Variants in TESK1 observed in about 807,000 individuals in gnomAD.
TESK1 encodes dual specificity testis-specific protein kinase 1.
Under a neutral mutation model 59.9 loss-of-function variants are expected in TESK1, and 18 were observed. That is an observed-to-expected ratio of 0.30 (90% CI 0.21 to 0.45). The LOEUF (loss-of-function observed/expected upper bound fraction) is 0.45, where lower values mean the gene tolerates loss of function less well. Ranked by LOEUF, TESK1 falls within the 20% of genes least tolerant of loss-of-function variation. The pLI, the probability that TESK1 is intolerant of heterozygous loss-of-function variation, is 1.00. For synonymous variants in TESK1, 341 were observed against 357.4 expected, an observed-to-expected ratio of 0.95 and a Z score of 0.52; for missense variants, 748 against 840.9, an observed-to-expected ratio of 0.89 and a Z score of 1.37.
chr9:35,609,461 T>C lies in TESK1; in HGVS notation c.1600T>C (p.Trp534Arg), dbSNP rs960379655. 2 of 1,606,648 alleles carry C rather than the reference T, an allele frequency of 1.2e-6. No individual in the cohort carries two copies. Among genetic ancestry groups the C allele is most frequent in the Non-Finnish European group, 1.7e-6 (2 of 1,175,922 alleles). ...CCCACAAGGCTGGGCTGGGGAGCCC[T>C]GGAACCGGGCCCAGCATAGCCTGCC... The part of the protein sequence containing the change: ...NSPQGWAGEP[W>R]NRAQHSLPRA... The change falls in exon 10 of 10, where the codon TGG becomes CGG. Residue 534 changes from tryptophan to arginine, a missense_variant. Trp to Arg is a moderately radical substitution (Grantham distance 101). Coordinates refer to ENST00000336395, the MANE Select transcript of TESK1 (RefSeq NM_006285.3). This position sits in a 1 kb window ranked among gnomAD's most constrained non-coding sequence, Gnocchi z 6.7.
chr9:35,609,560 C>T lies in TESK1; in HGVS notation c.1699C>T (p.Pro567Ser). Residue 567 changes from proline (P) to serine (S), a missense_variant, in exon 10 of 10, where the codon CCC (proline) becomes TCC (serine). Coordinates refer to ENST00000336395, the MANE Select transcript of TESK1 (RefSeq NM_006285.3). This position sits in a 1 kb window ranked among gnomAD's most constrained non-coding sequence, Gnocchi z 6.7. ...TCCCCGGGAGCCCGATGAGGGGCTG[C>T]CCTGTCCTGGCTGCTGCCTCGGCCC... ...SAPREPDEGL[P>S]CPGCCLGPFS... The T allele has an allele frequency of 6.2e-7, 1 of 1,613,572 alleles. No individual in the cohort carries two copies.
intron 2 of TESK1, 33 bp from the exon 3 acceptor site, chr9:35,606,204 G>A: frequency 6.2e-7 from 1 of 1,614,168 alleles, no homozygotes; most frequent in Non-Finnish European, 8.5e-7. Flanking sequence ...GCCTTTAATA[G>A]CCTATCCTTC....
intron 1 of TESK1, 40 bp from the exon 2 acceptor site, chr9:35,605,944 C>T (rs747200297): frequency 6.2e-7 from 1 of 1,610,962 alleles, no homozygotes; most frequent in Admixed American, 1.7e-5. Context: ...CGGCGACCCG[C>T]CCGACCTGCC....
chr9:35,608,464 C>T lies in TESK1; in HGVS notation c.955C>T (p.Pro319Ser). The change falls in exon 9 of 10, where the codon CCT becomes TCT. Residue 319 changes from proline (P) to serine (S), a missense_variant. Around this residue, in one of 3 missense-constraint regions of TESK1, gnomAD observed 447 missense variants for 466.1 expected, o/e 0.96. Transcript: ENST00000336395. ...CCTGGAATGGATCCTGGAGCAGCTG[C>T]CTGAGCCAGCCCCACTCACCAGGAC... ...QHLEWILEQL[P>S]EPAPLTRTAL... The T allele has an allele frequency of 6.2e-7, 1 of 1,614,166 alleles. No individual in the cohort carries two copies. Among genetic ancestry groups the T allele is most frequent in the Non-Finnish European group, 8.5e-7 (1 of 1,180,030 alleles).
At chr9:35,606,148 A>G in intron 2 of TESK1, 43 bp downstream of exon 2, 2 of 1,614,068 alleles carry the variant, frequency 1.2e-6, no homozygotes, top group Non-Finnish European at 1.7e-6. Flanking sequence ...GGCGGGAGAG[A>G]AAGGGAAAGA....
In TESK1 at chr9:35,608,892, C is replaced by G; in HGVS notation, c.1031C>G (p.Thr344Arg). The change falls in exon 10 of 10, where the codon ACG becomes AGG. Residue 344 changes from threonine (T) to arginine (R), a missense_variant. By Grantham distance (71) the Thr-to-Arg change is moderately conservative (BLOSUM62 -1). This residue lies in a region of TESK1 where 447 missense variants were observed against 466.1 expected (regional missense o/e 0.96). Transcript: ENST00000336395. ...GTTGCAAGAGGGGGTCCCTCTGCCA[C>G]GCTTCCCAGGCCAGATCCCCGGCTT... ...GSVARGGPSA[T>R]LPRPDPRLSR... is the part of the protein sequence containing the mutation. 1.2e-6 allele frequency: 2 copies of G among 1,600,544 alleles called. No individual in the cohort carries two copies. The highest frequency in any genetic ancestry group is 1.7e-4 in the Middle Eastern group (1 of 5,996).
In TESK1 at chr9:35,606,028, C is replaced by T. The variant is rs1278241938; in HGVS notation, c.264C>T (p.Asn88=). The T allele has an allele frequency of 1.2e-6, 2 of 1,614,128 alleles. No homozygotes were observed. The highest frequency in any genetic ancestry group is 4.5e-5 in the East Asian group (2 of 44,856). Residue 88 remains asparagine (N), a synonymous_variant, in exon 2 of 10, where the codon AAC becomes AAT. Transcript: ENST00000336395. The part of the protein sequence containing the change: ...QSGQVMVLKM[N]KLPSNRGNTL... ...GGCAAGTCATGGTGCTGAAGATGAA[C>T]AAGCTCCCCAGTAACCGGGGCAACA...
chr9:35,607,754 A>G lies in TESK1; in HGVS notation c.711+82A>G. 1 of 1,376,588 alleles carries G rather than the reference A, an allele frequency of 7.3e-7. No homozygotes were observed. 85.3% of individuals were successfully genotyped at this position (1,376,588 alleles called of 1,614,324 possible). On this transcript the variant is annotated intron_variant, in intron 6 of 9. Transcript: ENST00000336395. The surrounding 1 kb of genome is among the most constrained non-coding windows in gnomAD (Gnocchi z 4.5). ...ATAAAGCCCCATCCATCCCCAAAAC[A>G]ACCCTACCAGATCTTCAGGAGTCCC...
intron 3 of TESK1, 111 bp downstream of exon 3, chr9:35,606,396 C>T: frequency 7.5e-7 from 1 of 1,339,572 alleles, no homozygotes; most frequent in East Asian, 2.3e-5. Context: ...AACAGGATCT[C>T]CTCTCAGGGG....
chr9:35,608,595 A>T, intron 9 of TESK1, 86 bp downstream of exon 9: 1 of 1,237,520 alleles, frequency 8.1e-7, no homozygotes, highest in Non-Finnish European at 1.1e-6. Flanking sequence ...GAGGCTAAGT[A>T]TATTTATTAG....
chr9:35,607,924 C>T lies in TESK1; in HGVS notation c.712-4C>T. ...TCCCCGACACTATTATCTCTGACCC[C>T]CAGGCTGATGTCTTTGCCTTCGGGA... On this transcript the variant is annotated splice_polypyrimidine_tract_variant and splice_region_variant and intron_variant, in intron 6 of 9. Coordinates refer to ENST00000336395, the MANE Select transcript of TESK1 (RefSeq NM_006285.3). This position sits in a 1 kb window ranked among gnomAD's most constrained non-coding sequence, Gnocchi z 4.5. 1 of 1,613,954 alleles carries T rather than the reference C, an allele frequency of 6.2e-7. No individual in the cohort carries two copies. The highest frequency in any genetic ancestry group is 1.1e-5 in the South Asian group (1 of 91,070).
chr9:35,607,941 C>T lies in TESK1; in HGVS notation c.725C>T (p.Ala242Val). 1 of 1,614,138 alleles carries T rather than the reference C, an allele frequency of 6.2e-7. No homozygotes were observed. Among genetic ancestry groups the T allele is most frequent in the Non-Finnish European group, 8.5e-7 (1 of 1,180,032 alleles). The part of the protein sequence containing the change: ...ELYDEKADVF[A>V]FGIVLCELIA... ...TCTGACCCCCAGGCTGATGTCTTTG[C>T]CTTCGGGATTGTCCTCTGTGAGCTC... The change falls in exon 7 of 10, where the codon GCC (alanine) becomes GTC (valine). Residue 242 changes from alanine to valine, a missense_variant. Around this residue, in one of 3 missense-constraint regions of TESK1, gnomAD observed 168 missense variants for 257.4 expected, o/e 0.65. Coordinates refer to ENST00000336395, the MANE Select transcript of TESK1 (RefSeq NM_006285.3). This position sits in a 1 kb window ranked among gnomAD's most constrained non-coding sequence, Gnocchi z 4.5.
Position 35,609,889 on chromosome 9 carries a change from CA to C in TESK1, c.*148del. 1.0e-6 allele frequency: 1 copy of C among 977,456 alleles called. No individual in the cohort carries two copies. Among genetic ancestry groups the C allele is most frequent in the Non-Finnish European group, 1.4e-6 (1 of 692,704 alleles). The allele number at this position is 977,456 out of a possible 1,614,324, so 60.5% of individuals were successfully genotyped here. A position where few individuals can be genotyped will look rare whatever the true frequency, so the allele number is the denominator to read the frequency against. ...GGAGCCCCAGCATGGACTCAAGGGA[CA>C]GAGCACTTCCAGTCGACCCCCCGGC... On this transcript the variant is annotated 3_prime_UTR_variant, in exon 10 of 10. Transcript: ENST00000336395. The surrounding 1 kb of genome is among the most constrained non-coding windows in gnomAD (Gnocchi z 6.7).
At position 35,606,824 on chromosome 9, in the gene TESK1, T is replaced by A; in HGVS notation, c.391-13T>A. 6.3e-7 allele frequency: 1 copy of A among 1,587,610 alleles called. No individual in the cohort carries two copies. The highest frequency in any genetic ancestry group is 8.6e-7 in the Non-Finnish European group (1 of 1,166,928). ...AGTCTGACATCTATTCCCATTCTCCTCCTATGCACCAGTATATGAATGGGG... is the reference window on the plus strand; with the variant it reads ...AGTCTGACATCTATTCCCATTCTCCACCTATGCACCAGTATATGAATGGGG... On this transcript the variant is annotated splice_polypyrimidine_tract_variant and intron_variant, in intron 3 of 9. Transcript: ENST00000336395.
At position 35,609,831 on chromosome 9, in the gene TESK1, A is replaced by G. The variant is rs779725799; in HGVS notation, c.*89A>G. 59 of 1,398,386 alleles carry G rather than the reference A, an allele frequency of 4.2e-5. No individual in the cohort carries two copies. Among genetic ancestry groups the G allele is most frequent in the Middle Eastern group, 2.6e-4 (1 of 3,876 alleles). 86.6% of individuals were successfully genotyped at this position (1,398,386 alleles called of 1,614,324 possible). On this transcript the variant is annotated 3_prime_UTR_variant, in exon 10 of 10. Transcript: ENST00000336395. This position sits in a 1 kb window ranked among gnomAD's most constrained non-coding sequence, Gnocchi z 6.7. ...ACACTTGCTGGACAGTGCCAGTTCC[A>G]GATGGGCTGACCGGCTCTTCTCCCC...
In TESK1 at chr9:35,607,875, T is replaced by G. The variant is rs911058926; in HGVS notation, c.712-53T>G. 6 of 1,596,868 alleles carry G rather than the reference T, an allele frequency of 3.8e-6. No homozygotes were observed. In the South Asian group the frequency reaches 5.5e-5, roughly 15 times the overall value. On this transcript the variant is annotated intron_variant, in intron 6 of 9. Coordinates refer to ENST00000336395, the MANE Select transcript of TESK1 (RefSeq NM_006285.3). This position sits in a 1 kb window ranked among gnomAD's most constrained non-coding sequence, Gnocchi z 4.5. ...AAATTCTGCTATATTCTGTCAAAATTCTGAAATGAAAACTGTTAATTCTTC... is the reference window on the plus strand; with the variant it reads ...AAATTCTGCTATATTCTGTCAAAATGCTGAAATGAAAACTGTTAATTCTTC...
At position 35,605,913 on chromosome 9, in the gene TESK1, C is replaced by A; in HGVS notation, c.220-71C>A. ...GGCTGAAACTAGGGGGCCGGGAGTG[C>A]GGGGAAGAGGGTCCAGACTCCGGCG... On this transcript the variant is annotated intron_variant, in intron 1 of 9. Coordinates refer to ENST00000336395, the MANE Select transcript of TESK1 (RefSeq NM_006285.3). The A allele has an allele frequency of 3.7e-6, 6 of 1,605,848 alleles. No individual in the cohort carries two copies. The South Asian group carries it at 4.4e-5, about 12-fold the overall frequency.
Position 35,609,294 on chromosome 9 carries a change from A to G in TESK1, c.1433A>G (p.Glu478Gly). The part of the protein sequence containing the change: ...MECEGSSPEP[E>G]PPGPAPQLPL... ...TGCGAGGGCAGCAGCCCTGAGCCGG[A>G]ACCTCCAGGGCCAGCGCCCCAGCTG... is the stretch of plus-strand genomic sequence containing the variant. The change falls in exon 10 of 10, where the codon GAA becomes GGA. Residue 478 changes from glutamate (E) to glycine (G), a missense_variant. By Grantham distance (98) the Glu-to-Gly change is moderately conservative (BLOSUM62 -2). This residue lies in a region of TESK1 where 447 missense variants were observed against 466.1 expected (regional missense o/e 0.96). Transcript: ENST00000336395. This position sits in a 1 kb window ranked among gnomAD's most constrained non-coding sequence, Gnocchi z 6.7. 1 of 1,613,956 alleles carries G rather than the reference A, an allele frequency of 6.2e-7. No homozygotes were observed. The highest frequency in any genetic ancestry group is 8.5e-7 in the Non-Finnish European group (1 of 1,179,964).
intron 9 of TESK1, 140 bp from the exon 10 acceptor site, chr9:35,608,722 G>C (rs1822900309): frequency 1.9e-6 from 2 of 1,066,880 alleles, no homozygotes; most frequent in Non-Finnish European, 2.7e-6. Context: ...GCCTGGAGAT[G>C]ACATCACCCC....
Sources: allele counts gnomAD v4.1 joint callset, GRCh38; gene constraint gnomAD v4.1.1; regional missense constraint gnomAD v4.1.1; non-coding constraint Gnocchi (gnomAD v3.1); transcripts MANE v1.5; gene names NCBI Gene and HGNC (gene_info 2026-07-23, HGNC 2026-07-21).